The following PCDHA8 variants were observed in gnomAD, a reference collection of about 807,000 sequenced individuals.
PCDHA8 encodes protocadherin alpha-8.
Under a neutral mutation model 61.8 loss-of-function variants are expected in PCDHA8, and 53 were observed. The observed-to-expected ratio is 0.86, with a 90% CI of 0.69 to 1.08. The LOEUF is 1.08. Among genes scored for constraint, PCDHA8 ranks in the 50% least tolerant of loss-of-function variants. The pLI is 0.00. For synonymous variants in PCDHA8, 618 were observed against 556.6 expected, an observed-to-expected ratio of 1.11 and a Z score of -1.55; for missense variants, 1,293 against 1,245.0, an observed-to-expected ratio of 1.04 and a Z score of -0.58.
At chr5:140,982,191 T>G (rs1431582069) in intron 2 of PCDHA8, among the ~76,000 whole-genome samples, 1 of 152,266 alleles carries the variant, frequency 6.6e-6, no homozygotes, top group African/African-American at 2.4e-5. Context: ...ATGGGCTTCC[T>G]GTTAGATTTA....
intron 1 of PCDHA8, among the ~76,000 whole-genome samples, chr5:140,924,043 G>C (rs2081638586): frequency 6.6e-6 from 1 of 152,176 alleles, no homozygotes; most frequent in Non-Finnish European, 1.5e-5. Flanking sequence ...AGACCTAAAA[G>C]TTCGGTACAT....
At chr5:140,929,192 A>C (rs1367500775) in intron 1 of PCDHA8, 1 of 1,614,124 alleles carries the variant, frequency 6.2e-7, no homozygotes, top group Non-Finnish European at 8.5e-7. Context: ...TCTGATAATA[A>C]CAGTTTGCTG....
At chr5:140,859,117 T>C (rs1441256234) in intron 1 of PCDHA8, 3 of 150,206 alleles carry the variant, frequency 2.0e-5, no homozygotes, top group Non-Finnish European at 4.5e-5. Context: ...AGAAAATGTA[T>C]GTTTCTTTTA....
chr5:140,987,589 G>A (rs1554249335), intron 3 of PCDHA8, among the ~76,000 whole-genome samples: 1 of 152,180 alleles, frequency 6.6e-6, no homozygotes, highest in Non-Finnish European at 1.5e-5. Context: ...GGGGAGAATA[G>A]TGGTGTCTAC....
chr5:140,883,966 G>A, intron 1 of PCDHA8: 1 of 1,613,094 alleles, frequency 6.2e-7, no homozygotes. Flanking sequence ...CGGCGCTGCT[G>A]ACGCCCGGGG....
At chr5:140,864,277 T>A (rs1203382304) in intron 1 of PCDHA8, 6 of 152,228 alleles carry the variant, frequency 3.9e-5, no homozygotes, top group South Asian at 2.1e-4. Context: ...CTCCATTCCT[T>A]ATTGTTTTTA....
At chr5:140,999,280 T>C (rs782502393) in intron 3 of PCDHA8, among the ~76,000 whole-genome samples, 2 of 152,228 alleles carry the variant, frequency 1.3e-5, no homozygotes, top group Non-Finnish European at 2.9e-5. Context: ...ATAGTAGTAA[T>C]ACCCATTCTT....
At chr5:140,962,384 A>G (rs1234630298) in intron 1 of PCDHA8, among the ~76,000 whole-genome samples, 7 of 152,202 alleles carry the variant, frequency 4.6e-5, no homozygotes, top group Non-Finnish European at 8.8e-5. Context: ...ATCTGTTAAT[A>G]TTACGCAATC....
At chr5:141,003,441 A>G (rs184470683) in intron 3 of PCDHA8, among the ~76,000 whole-genome samples, 25 of 152,240 alleles carry the variant, frequency 1.6e-4, no homozygotes, top group Non-Finnish European at 1.5e-5. Flanking sequence ...CCTCCCAAGT[A>G]GATGAAATTA....
Position 140,841,919 on chromosome 5 carries a change from T to G in PCDHA8, c.598T>G (p.Leu200Val). Reference sequence around the variant, plus strand: ...GGTTGAGCTCGTATTAAGAAAATCCTTGGACAGAGAGGACGCTCCTGCGCA... The same window carrying G: ...GGTTGAGCTCGTATTAAGAAAATCCGTGGACAGAGAGGACGCTCCTGCGCA... Reference protein sequence around the residue: ...KLVELVLRKSLDREDAPAHHL... With the variant: ...KLVELVLRKSVDREDAPAHHL... Residue 200 changes from leucine to valine, a missense_variant, in exon 1 of 4, where the codon TTG becomes GTG. Transcript: ENST00000531613. 3 of 1,613,892 alleles carry G rather than the reference T, an allele frequency of 1.9e-6. No homozygotes were observed. Among genetic ancestry groups the G allele is most frequent in the Non-Finnish European group, 2.5e-6 (3 of 1,179,856 alleles).
chr5:141,000,689 A>G (rs1469257297), intron 3 of PCDHA8, among the ~76,000 whole-genome samples: 1 of 151,438 alleles, frequency 6.6e-6, no homozygotes, highest in African/African-American at 2.4e-5. Context: ...CTGCCTCCCA[A>G]AGTGCTGGGA....
At chr5:140,851,805 T>A (rs2042164036) in intron 1 of PCDHA8, 1 of 945,532 alleles carries the variant, frequency 1.1e-6, no homozygotes. Flanking sequence ...CTGTCAGTAA[T>A]CCATAAGACA....
At chr5:140,973,208 C>T (rs2096576751) in intron 1 of PCDHA8, among the ~76,000 whole-genome samples, 1 of 152,170 alleles carries the variant, frequency 6.6e-6, no homozygotes, top group African/African-American at 2.4e-5. Flanking sequence ...TGCATATTCA[C>T]CCTAATTCCA....
intron 1 of PCDHA8, among the ~76,000 whole-genome samples, chr5:140,942,516 G>C (rs1172442572): frequency 2.0e-5 from 3 of 152,004 alleles, no homozygotes; most frequent in African/African-American, 7.3e-5. Flanking sequence ...AAACTCAGAG[G>C]GGAAGCAACT....
intron 3 of PCDHA8, among the ~76,000 whole-genome samples, chr5:141,007,792 C>A (rs2098346636): frequency 6.6e-6 from 1 of 152,166 alleles, no homozygotes. Flanking sequence ...TACAAATTAG[C>A]CTTTATCTGC....
chr5:140,861,442 G>A (rs251368), intron 1 of PCDHA8: 2 of 490,042 alleles, frequency 4.1e-6, no homozygotes, highest in African/African-American at 3.9e-5. Flanking sequence ...TCCAAAAGCC[G>A]CAGAAACCTT....
At chr5:140,888,706 T>G (rs1554183604) in intron 1 of PCDHA8, among the ~76,000 whole-genome samples, 1 of 152,196 alleles carries the variant, frequency 6.6e-6, no homozygotes, top group African/African-American at 2.4e-5. Context: ...TTGGTAGGAA[T>G]GTGAAATATT....
At chr5:140,946,893 A>T (rs1233227457) in intron 1 of PCDHA8, among the ~76,000 whole-genome samples, 1 of 151,482 alleles carries the variant, frequency 6.6e-6, no homozygotes, top group African/African-American at 2.4e-5. Context: ...TTACAATTAG[A>T]TAGGAAGAAT....
In PCDHA8 at chr5:140,882,793, C is replaced by A. The variant is rs1176435531; in HGVS notation, c.2394+39078C>A. 2.5e-6 allele frequency: 4 copies of A among 1,614,092 alleles called. No individual in the cohort carries two copies. In the Admixed American group the frequency reaches 6.7e-5, roughly 27 times the overall value. On this transcript the variant is annotated intron_variant, in intron 1 of 3. Coordinates refer to ENST00000531613, the MANE Select transcript of PCDHA8 (RefSeq NM_018911.3). ...CATTGACCTACCGACTGGATCCCAA[C>A]GATTATTTCACTTTGGACGCACAAA... is the stretch of plus-strand genomic sequence containing the variant.
Sources: gnomAD v4.1 joint callset for allele counts (sites outside exome capture counted in the v4.1 genomes callset) on GRCh38, gnomAD v4.1.1 for gene constraint, MANE v1.5 for transcripts, NCBI Gene and HGNC (gene_info 2026-07-23, HGNC 2026-07-21) for gene names.